Variants in LOC128092252 observed in about 807,000 individuals in gnomAD.
At chr15:50,657,631 G>C in the LOC128092252 span, 7 of 646,012 alleles carry the variant, frequency 1.1e-5, no homozygotes, top group Middle Eastern at 4.2e-4. Flanking sequence ...AAACAGCCTT[G>C]ACTGACCCTT....
At chr15:50,682,301 T>C in the LOC128092252 span, among the ~76,000 whole-genome samples, 1 of 151,200 alleles carries the variant, frequency 6.6e-6, no homozygotes, top group African/African-American at 2.4e-5. Flanking sequence ...CTAAAACCCC[T>C]ACGTGGACAG....
chr15:50,673,192 G>A, the LOC128092252 span, among the ~76,000 whole-genome samples: 4 of 152,014 alleles, frequency 2.6e-5, no homozygotes, highest in African/African-American at 9.7e-5. Flanking sequence ...TCACTGACTC[G>A]CCCAGAACAA....
At chr15:50,651,285 A>G in the LOC128092252 span, among the ~76,000 whole-genome samples, 1 of 152,224 alleles carries the variant, frequency 6.6e-6, no homozygotes, top group South Asian at 2.1e-4. Context: ...ACCAGAAAAG[A>G]ACGAGATGAT....
the LOC128092252 span, among the ~76,000 whole-genome samples, chr15:50,659,578 T>A: frequency 6.6e-6 from 1 of 152,228 alleles, no homozygotes; most frequent in Non-Finnish European, 1.5e-5. Context: ...CAGCTTTGGA[T>A]TTCTTTAATA....
chr15:50,649,452 G>C, the LOC128092252 span, among the ~76,000 whole-genome samples: 6 of 144,514 alleles, frequency 4.2e-5, no homozygotes, highest in Admixed American at 1.4e-4. Flanking sequence ...AAAAAAAAAA[G>C]AAAGAAAGAA....
At chr15:50,663,783 T>C in the LOC128092252 span, among the ~76,000 whole-genome samples, 7 of 152,052 alleles carry the variant, frequency 4.6e-5, no homozygotes, top group Non-Finnish European at 7.4e-5. Context: ...GAAAACATGG[T>C]GAAACGCCAT....
the LOC128092252 span, among the ~76,000 whole-genome samples, chr15:50,671,995 G>A: frequency 0.33 from 50,010 of 151,976 alleles, 10,038 homozygotes; most frequent in Admixed American, 0.47. Context: ...ACTGATTTAT[G>A]TATTTACTAG....
the LOC128092252 span, among the ~76,000 whole-genome samples, chr15:50,656,904 C>T: frequency 6.6e-6 from 1 of 152,252 alleles, no homozygotes; most frequent in Non-Finnish European, 1.5e-5. Context: ...TCAAATATGC[C>T]TACTTCTCTT....
At chr15:50,658,941 G>A in the LOC128092252 span, among the ~76,000 whole-genome samples, 1 of 152,274 alleles carries the variant, frequency 6.6e-6, no homozygotes, top group East Asian at 1.9e-4. Flanking sequence ...GCTCACGCCT[G>A]TAATGCCAGC....
chr15:50,683,412 G>A, the LOC128092252 span, among the ~76,000 whole-genome samples: 4 of 151,510 alleles, frequency 2.6e-5, no homozygotes, highest in East Asian at 1.9e-4. Flanking sequence ...CAGACAACAC[G>A]AATCCACTGG....
the LOC128092252 span, among the ~76,000 whole-genome samples, chr15:50,678,799 GCAAGAGGACCACTTAAGCCCAGGAGTT>G: frequency 6.6e-6 from 1 of 152,092 alleles, no homozygotes; most frequent in Non-Finnish European, 1.5e-5. Context: ...GGAGGCCAAG[GCAAGAGGACCACTTAAGCCCAGGAGTT>G]CAAGATCAAC....
chr15:50,657,192 C>T, the LOC128092252 span, among the ~76,000 whole-genome samples: 1 of 152,158 alleles, frequency 6.6e-6, no homozygotes, highest in African/African-American at 2.4e-5. Context: ...GGCATGGTGG[C>T]GCATGCCTGT....
chr15:50,665,042 G>A, the LOC128092252 span, among the ~76,000 whole-genome samples: 53 of 152,170 alleles, frequency 3.5e-4, 1 homozygote, highest in African/African-American at 1.1e-3. Context: ...ATAAATATAC[G>A]CATGTTTCTG....
At chr15:50,662,302 G>T in the LOC128092252 span, among the ~76,000 whole-genome samples, 1 of 150,822 alleles carries the variant, frequency 6.6e-6, no homozygotes, top group South Asian at 2.1e-4. Context: ...ACTCCAGCCT[G>T]GACGACAGAG....
At chr15:50,680,569 CAAA>C in the LOC128092252 span, among the ~76,000 whole-genome samples, 1 of 106,636 alleles carries the variant, frequency 9.4e-6, no homozygotes. Context: ...ACACTTGTCT[CAAA>C]AAAAAAAAAA....
chr15:50,670,977 C>T, the LOC128092252 span, among the ~76,000 whole-genome samples: 4 of 152,028 alleles, frequency 2.6e-5, no homozygotes, highest in Non-Finnish European at 2.9e-5. Context: ...AATTTGAGAC[C>T]AGATAAAAGG....
At chr15:50,674,028 G>T in the LOC128092252 span, among the ~76,000 whole-genome samples, 62 of 152,040 alleles carry the variant, frequency 4.1e-4, no homozygotes, top group African/African-American at 1.5e-3. Flanking sequence ...TTACTCTGTC[G>T]CCCAGGCTGG....
chr15:50,660,176 A>G, the LOC128092252 span, among the ~76,000 whole-genome samples: 3 of 152,312 alleles, frequency 2.0e-5, no homozygotes, highest in African/African-American at 7.2e-5. Flanking sequence ...AGTAGTAAGA[A>G]ATCAGAATAA....
At chr15:50,665,165 A>G in the LOC128092252 span, among the ~76,000 whole-genome samples, 1 of 152,064 alleles carries the variant, frequency 6.6e-6, no homozygotes, top group Non-Finnish European at 1.5e-5. Context: ...GTACTTTAGG[A>G]GGCCTCATGG....
Sources: allele counts gnomAD v4.1 joint callset (sites outside exome capture counted in the v4.1 genomes callset), GRCh38; gene constraint gnomAD v4.1.1; transcripts MANE v1.5.